Variants in SGSM1 observed in about 807,000 individuals in gnomAD.
SGSM1 encodes the protein RUN and TBC1 domain containing 2.
A neutral mutation model predicts 133.8 loss-of-function variants in SGSM1; 73 were observed. That is an observed-to-expected ratio of 0.55 (90% confidence interval 0.45 to 0.66). The LOEUF (loss-of-function observed/expected upper bound fraction) is 0.66, where lower values mean the gene tolerates loss of function less well. Ranked by LOEUF, SGSM1 falls within the 30% of genes least tolerant of loss-of-function variation. The pLI is 0.00. For missense variants in SGSM1, 1,213 were observed against 1,448.1 expected (o/e 0.84, Z 2.64); for synonymous variants, 563 against 573.0 (o/e 0.98, Z 0.25).
In SGSM1 at chr22:24,879,462, G is replaced by A. The variant is rs191374651; in HGVS notation, c.1431G>A (p.Arg477=). 1.2e-6 allele frequency: 2 copies of A among 1,613,490 alleles called. No homozygotes were observed. Among genetic ancestry groups the A allele is most frequent in the African/African-American group, 2.7e-5 (2 of 74,870 alleles). The change falls in exon 14 of 25, where the codon AGG becomes AGA. Residue 477 remains arginine (R), a splice_region_variant and synonymous_variant. Transcript: ENST00000400358. ...CATCTCCCTCTTTCTCCACCTGCAG[G>A]GCTCCCCTGAAACTTCTCTGTGACA... is the stretch of plus-strand genomic sequence containing the variant. ...GSSTNGCNHE[R]APLKLLCDNM...
intron 21 of SGSM1, among the ~76,000 whole-genome samples, chr22:24,909,925 A>C (rs528718166): frequency 1.9e-4 from 29 of 152,338 alleles, no homozygotes; most frequent in African/African-American, 6.7e-4. Context: ...CATAATACCC[A>C]AAAAAGTGGA....
At chr22:24,881,147 T>TGC (rs1424430765) in intron 14 of SGSM1, among the ~76,000 whole-genome samples, 1 of 124,500 alleles carries the variant, frequency 8.0e-6, no homozygotes. Context: ...GAGCCAAGAT[T>TGC]GCGCCACTGC....
chr22:24,914,586 A>G (rs887102904), intron 22 of SGSM1, among the ~76,000 whole-genome samples: 2 of 151,916 alleles, frequency 1.3e-5, no homozygotes, highest in Non-Finnish European at 2.9e-5. Flanking sequence ...GCAGATTCCT[A>G]TGTTCACCAT....
intron 22 of SGSM1, among the ~76,000 whole-genome samples, chr22:24,913,939 G>A (rs150498168): frequency 0.031 from 4,732 of 152,040 alleles, 121 homozygotes; most frequent in Admixed American, 0.094. Flanking sequence ...GGTGGATCAC[G>A]AGGTCAGGAG....
At chr22:24,850,899 C>G (rs973207505) in intron 5 of SGSM1, among the ~76,000 whole-genome samples, 1 of 152,052 alleles carries the variant, frequency 6.6e-6, no homozygotes, top group Admixed American at 6.5e-5. Flanking sequence ...AGATCAAGAC[C>G]ATCCTGACTA....
chr22:24,884,494 C>A lies in SGSM1; in HGVS notation c.1641+296C>A, dbSNP rs541116554. On this transcript the variant is annotated intron_variant, in intron 15 of 24. Coordinates refer to ENST00000400358, the MANE Select transcript of SGSM1 (RefSeq NM_001098497.3). ...CAGCTGGGATGGGCACGGTGGCTCACGCCTGTAATCCCAGCACTTTGGGAG... is the reference window on the plus strand; with the variant it reads ...CAGCTGGGATGGGCACGGTGGCTCAAGCCTGTAATCCCAGCACTTTGGGAG... Among the ~76,000 whole-genome samples the A allele has an allele frequency of 1.7e-4, 26 of 152,258 alleles. No individual in the cohort carries two copies. In the South Asian group the frequency reaches 5.4e-3, roughly 32 times the overall value.
At position 24,815,777 on chromosome 22, in the gene SGSM1, G is replaced by A. The variant is rs143190245; in HGVS notation, c.63+9293G>A. 3.8e-3 allele frequency among the ~76,000 whole-genome samples: 572 copies of A among 152,188 alleles called. 5 individuals carry two copies. The highest frequency in any genetic ancestry group is 0.013 in the African/African-American group (521 of 41,524). On this transcript the variant is annotated intron_variant, in intron 2 of 24. Transcript: ENST00000400358. ...TGGAATTAGAGAGGGGTAAGGAAAA[G>A]GAGTTGGTCAGCAGGAAGCAGGTGG...
intron 21 of SGSM1, among the ~76,000 whole-genome samples, chr22:24,905,604 G>A (rs1028415587): frequency 2.0e-5 from 3 of 151,842 alleles, no homozygotes; most frequent in African/African-American, 4.8e-5. Flanking sequence ...TGGTGAACAC[G>A]GTGAAACCCT....
chr22:24,808,116 T>G (rs1352880749), intron 2 of SGSM1, among the ~76,000 whole-genome samples: 1 of 119,384 alleles, frequency 8.4e-6, no homozygotes, highest in East Asian at 2.5e-4. Context: ...TTTCTTGGTG[T>G]TTTTTTTTTT....
At chr22:24,891,200 A>G (rs1258495569) in intron 16 of SGSM1, among the ~76,000 whole-genome samples, 1 of 152,144 alleles carries the variant, frequency 6.6e-6, no homozygotes, top group East Asian at 1.9e-4. Flanking sequence ...TCTCTACAAA[A>G]AATTTAAAAA....
chr22:24,863,108 C>T (rs564127464), intron 9 of SGSM1, among the ~76,000 whole-genome samples: 1 of 152,208 alleles, frequency 6.6e-6, no homozygotes, highest in Admixed American at 6.5e-5. Flanking sequence ...CGTGTTTCTG[C>T]ATCATCTTTC....
At chr22:24,846,412 A>T (rs1930153515) in intron 3 of SGSM1, among the ~76,000 whole-genome samples, 1 of 152,120 alleles carries the variant, frequency 6.6e-6, no homozygotes, top group African/African-American at 2.4e-5. Context: ...ATATATACAT[A>T]TATATGTATT....
intron 22 of SGSM1, 59 bp downstream of exon 22, chr22:24,912,811 A>G: frequency 8.1e-7 from 1 of 1,236,504 alleles, no homozygotes; most frequent in Non-Finnish European, 1.2e-6. Context: ...AGTAAAGCTT[A>G]GTGGCTCCAG....
chr22:24,861,128 G>A (rs941140298), intron 9 of SGSM1, among the ~76,000 whole-genome samples: 26 of 150,708 alleles, frequency 1.7e-4, no homozygotes, highest in Non-Finnish European at 3.4e-4. Flanking sequence ...GCTGAGGCAG[G>A]TAGATCATGA....
chr22:24,859,911 G>A (rs548575058), intron 9 of SGSM1, 71 bp downstream of exon 9: 68 of 1,584,928 alleles, frequency 4.3e-5, no homozygotes, highest in Middle Eastern at 1.7e-4. Flanking sequence ...GTTCCTCCCC[G>A]GGGGAGGGGA....
chr22:24,873,693 A>G (rs5752012), intron 12 of SGSM1, among the ~76,000 whole-genome samples: 1 of 152,278 alleles, frequency 6.6e-6, no homozygotes, highest in African/African-American at 2.4e-5. Flanking sequence ...TCTACAAAAA[A>G]TTTTAAAACA....
intron 2 of SGSM1, among the ~76,000 whole-genome samples, chr22:24,838,793 A>G (rs1452248261): frequency 2.0e-5 from 3 of 152,094 alleles, no homozygotes; most frequent in Non-Finnish European, 4.4e-5. Context: ...AAGTTTTTAA[A>G]TCAGGAAGTA....
At position 24,920,007 on chromosome 22, in the gene SGSM1, T is replaced by G. The variant is rs767000558; in HGVS notation, c.3193+14T>G. 1.3e-6 allele frequency: 2 copies of G among 1,578,772 alleles called. No homozygotes were observed. Among genetic ancestry groups the G allele is most frequent in the East Asian group, 4.6e-5 (2 of 43,272 alleles). The stretch of plus-strand genomic sequence containing the variant: ...AATTCTTTAATGGTACCCACATGAC[T>G]GGGGCCTCATGAGAGGGGTGCAGGC... On this transcript the variant is annotated intron_variant, in intron 24 of 24. Transcript: ENST00000400358.
chr22:24,807,045 G>A (rs769702794), intron 2 of SGSM1, among the ~76,000 whole-genome samples: 6 of 152,070 alleles, frequency 3.9e-5, no homozygotes, highest in Non-Finnish European at 8.8e-5. Flanking sequence ...GGCAGTAGGG[G>A]TCCCTTCACT....
Sources: allele counts gnomAD v4.1 joint callset (sites outside exome capture counted in the v4.1 genomes callset), GRCh38; gene constraint gnomAD v4.1.1; transcripts MANE v1.5; gene names NCBI Gene and HGNC (gene_info 2026-07-23, HGNC 2026-07-21).